The following ZNF804A variants were observed in gnomAD, a reference collection of about 807,000 sequenced individuals.
The protein encoded by ZNF804A is zinc finger protein 804A.
A neutral mutation model predicts 16.5 loss-of-function variants in ZNF804A; 2 were observed. That is an observed-to-expected ratio of 0.12 (90% CI 0.05 to 0.38). ZNF804A has a LOEUF of 0.38. Among genes scored for constraint, ZNF804A ranks in the 10% least tolerant of loss-of-function variants. ZNF804A has a pLI of 0.99. For synonymous variants in ZNF804A, 534 were observed against 489.6 expected, an observed-to-expected ratio of 1.09 and a Z score of -1.20; for missense variants, 1,473 against 1,390.7, an observed-to-expected ratio of 1.06 and a Z score of -0.94.
At chr2:184,864,867 T>C (rs1351747003) in intron 1 of ZNF804A, among the ~76,000 whole-genome samples, 5 of 149,924 alleles carry the variant, frequency 3.3e-5, no homozygotes, top group Admixed American at 1.3e-4. Context: ...CTTGAATATA[T>C]AGTTAGGATT....
At position 184,938,604 on chromosome 2, in the gene ZNF804A, C is replaced by T. The variant is rs778313713; in HGVS notation, c.3208C>T (p.Pro1070Ser). Reference protein sequence around the residue: ...MLANKVKFTFPPAALPPPSTP... With the variant: ...MLANKVKFTFSPAALPPPSTP... The stretch of plus-strand genomic sequence containing the variant: ...GGCCAACAAGGTTAAATTTACCTTT[C>T]CTCCAGCTGCCCTCCCACCCCCTAG... Residue 1070 changes from proline to serine, a missense_variant, in exon 4 of 4, where the codon CCT (proline) becomes TCT (serine). Pro to Ser is a moderately conservative substitution (Grantham distance 74, BLOSUM62 -1). Coordinates refer to ENST00000302277, the MANE Select transcript of ZNF804A (RefSeq NM_194250.2). The T allele has an allele frequency of 1.2e-6, 2 of 1,614,046 alleles. No homozygotes were observed. Among genetic ancestry groups the T allele is most frequent in the East Asian group, 4.5e-5 (2 of 44,848 alleles).
Position 184,933,659 on chromosome 2 carries a change from G to A in ZNF804A, c.312G>A (p.Arg104=), listed in dbSNP as rs1233970179. ...EFARNVASKS[R]KDERKQEKAL... The stretch of plus-strand genomic sequence containing the variant: ...CTCGAAATGTAGCATCTAAATCCAG[G>A]AAAGATGAAAGAAAACAGGAAAAGG... The change falls in exon 3 of 4, where the codon AGG becomes AGA. Residue 104 remains arginine (R), a synonymous_variant. Transcript: ENST00000302277. The A allele has an allele frequency of 3.7e-6, 6 of 1,610,382 alleles. No individual in the cohort carries two copies. The highest frequency in any genetic ancestry group is 4.2e-6 in the Non-Finnish European group (5 of 1,178,634).
At chr2:184,797,256 T>C (rs2105781190) in intron 1 of ZNF804A, among the ~76,000 whole-genome samples, 1 of 152,322 alleles carries the variant, frequency 6.6e-6, no homozygotes, top group Middle Eastern at 3.4e-3. Flanking sequence ...TGTGTTTCTG[T>C]CTATCTTATT....
intron 1 of ZNF804A, among the ~76,000 whole-genome samples, chr2:184,803,774 T>C (rs919470831): frequency 2.0e-5 from 3 of 152,126 alleles, no homozygotes; most frequent in African/African-American, 7.2e-5. Context: ...CAGGTGTTGT[T>C]TGGTTTGGAG....
chr2:184,694,918 G>A (rs1342681263), intron 1 of ZNF804A, among the ~76,000 whole-genome samples: 3 of 152,138 alleles, frequency 2.0e-5, no homozygotes, highest in Non-Finnish European at 4.4e-5. Flanking sequence ...CTGTTCCTAT[G>A]GATGTACGAA....
intron 1 of ZNF804A, among the ~76,000 whole-genome samples, chr2:184,821,208 A>T (rs1267489615): frequency 6.6e-6 from 1 of 152,162 alleles, no homozygotes; most frequent in Admixed American, 6.6e-5. Context: ...ACTGGTACAA[A>T]GACAGACACA....
chr2:184,803,059 A>G (rs1053913187), intron 1 of ZNF804A, among the ~76,000 whole-genome samples: 10 of 152,236 alleles, frequency 6.6e-5, no homozygotes, highest in Admixed American at 6.5e-4. Context: ...GAAATATAGT[A>G]AACTAAGCCC....
At chr2:184,875,515 C>T (rs1250620277) in intron 2 of ZNF804A, among the ~76,000 whole-genome samples, 1 of 152,096 alleles carries the variant, frequency 6.6e-6, no homozygotes, top group Non-Finnish European at 1.5e-5. Flanking sequence ...TCACCAGAAG[C>T]AGATGCTGCC....
chr2:184,623,338 A>T (rs1559110824), intron 1 of ZNF804A, among the ~76,000 whole-genome samples: 1 of 152,122 alleles, frequency 6.6e-6, no homozygotes, highest in Non-Finnish European at 1.5e-5. Context: ...AGTAAAAAAC[A>T]AACTCTCAAA....
At chr2:184,802,181 C>G (rs1694736984) in intron 1 of ZNF804A, among the ~76,000 whole-genome samples, 1 of 152,100 alleles carries the variant, frequency 6.6e-6, no homozygotes, top group Admixed American at 6.6e-5. Flanking sequence ...GCCTTTGTCC[C>G]TAGTATGTGA....
chr2:184,917,002 C>T (rs1229342186), intron 2 of ZNF804A, among the ~76,000 whole-genome samples: 2 of 152,158 alleles, frequency 1.3e-5, no homozygotes, highest in African/African-American at 4.8e-5. Context: ...AAATGAGGCT[C>T]ACCATATTAT....
chr2:184,773,137 A>G (rs182785528), intron 1 of ZNF804A, among the ~76,000 whole-genome samples: 9 of 151,218 alleles, frequency 6.0e-5, no homozygotes, highest in African/African-American at 2.2e-4. Context: ...TACTCTTATG[A>G]TTTGACTATT....
At chr2:184,918,508 T>C (rs1685485581) in intron 2 of ZNF804A, among the ~76,000 whole-genome samples, 1 of 152,206 alleles carries the variant, frequency 6.6e-6, no homozygotes, top group South Asian at 2.1e-4. Context: ...ATATATTGGA[T>C]GCTAATTCAG....
intron 1 of ZNF804A, among the ~76,000 whole-genome samples, chr2:184,725,231 A>T (rs1239371092): frequency 6.6e-6 from 1 of 151,648 alleles, no homozygotes; most frequent in East Asian, 1.9e-4. Flanking sequence ...GTAAGTATAC[A>T]TAGAGAGTGC....
At chr2:184,768,308 G>A (rs1182220935) in intron 1 of ZNF804A, among the ~76,000 whole-genome samples, 2 of 151,902 alleles carry the variant, frequency 1.3e-5, no homozygotes, top group African/African-American at 4.8e-5. Flanking sequence ...ATCTGCAGGG[G>A]TCCTGGAACC....
chr2:184,626,536 A>T lies in ZNF804A; in HGVS notation c.111+27466A>T, dbSNP rs974762628. Among the ~76,000 whole-genome samples the T allele has an allele frequency of 2.0e-5, 3 of 152,172 alleles. No individual in the cohort carries two copies. In the East Asian group the frequency reaches 5.8e-4, roughly 29 times the overall value. On this transcript the variant is annotated intron_variant, in intron 1 of 3. Transcript: ENST00000302277. ...TTATATTATAAATTATTATGACTACATCTGAATTACATAGACATATACCTC... is the reference window on the plus strand; with the variant it reads ...TTATATTATAAATTATTATGACTACTTCTGAATTACATAGACATATACCTC...
intron 1 of ZNF804A, among the ~76,000 whole-genome samples, chr2:184,816,214 C>T (rs1458383186): frequency 6.6e-6 from 1 of 152,004 alleles, no homozygotes; most frequent in African/African-American, 2.4e-5. Flanking sequence ...TTCAGCAAGC[C>T]ACTAGGCAGC....
chr2:184,693,425 T>A (rs1335282803), intron 1 of ZNF804A, among the ~76,000 whole-genome samples: 1 of 152,180 alleles, frequency 6.6e-6, no homozygotes, highest in Non-Finnish European at 1.5e-5. Flanking sequence ...TCCAAGATAA[T>A]TTCTACTTAT....
At chr2:184,787,597 G>C (rs1694468496) in intron 1 of ZNF804A, among the ~76,000 whole-genome samples, 1 of 151,760 alleles carries the variant, frequency 6.6e-6, no homozygotes, top group South Asian at 2.1e-4. Context: ...CATTTCTCTG[G>C]TGATTAGTGA....
Sources: gnomAD v4.1 joint callset for allele counts (sites outside exome capture counted in the v4.1 genomes callset) on GRCh38, gnomAD v4.1.1 for gene constraint, MANE v1.5 for transcripts, NCBI Gene and HGNC (gene_info 2026-07-23, HGNC 2026-07-21) for gene names.